DLG2: variants seen among roughly 807,000 people sequenced by gnomAD.
DLG2 encodes the protein discs large MAGUK scaffold protein 2.
Under a neutral mutation model 132.5 loss-of-function variants are expected in DLG2, and 45 were observed. That is an observed-to-expected ratio of 0.34 (90% CI 0.27 to 0.44). DLG2 has a LOEUF of 0.44. DLG2 is among the 20% of genes least tolerant of loss of function. The pLI, the probability that DLG2 is intolerant of heterozygous loss-of-function variation, is 1.00. For missense variants in DLG2, 1,045 were observed against 1,196.9 expected (o/e 0.87, Z 1.87); for synonymous variants, 424 against 419.6 (o/e 1.01, Z -0.13).
At chr11:84,725,650 C>A (rs1309521381) in intron 6 of DLG2, among the ~76,000 whole-genome samples, 1 of 152,138 alleles carries the variant, frequency 6.6e-6, no homozygotes, top group Admixed American at 6.5e-5. Flanking sequence ...CAAATATACT[C>A]AAAGTCCATA....
chr11:83,952,048 A>C (rs2085578846), intron 14 of DLG2, among the ~76,000 whole-genome samples: 1 of 152,192 alleles, frequency 6.6e-6, no homozygotes, highest in South Asian at 2.1e-4. Flanking sequence ...GTCATTTATT[A>C]AGAAGAGGAA....
At chr11:84,331,471 A>T (rs1446610532) in intron 7 of DLG2, among the ~76,000 whole-genome samples, 1 of 151,368 alleles carries the variant, frequency 6.6e-6, no homozygotes, top group Non-Finnish European at 1.5e-5. Context: ...ATAAATAAAT[A>T]AATAAAAGTA....
intron 18 of DLG2, among the ~76,000 whole-genome samples, chr11:83,656,349 C>G (rs1253366973): frequency 2.0e-5 from 3 of 152,344 alleles, no homozygotes; most frequent in African/African-American, 7.2e-5. Flanking sequence ...CAGGGCCTTT[C>G]CACCCATCAT....
intron 15 of DLG2, among the ~76,000 whole-genome samples, chr11:83,902,930 C>T (rs979229197): frequency 3.9e-5 from 6 of 152,104 alleles, no homozygotes; most frequent in East Asian, 1.9e-4. Flanking sequence ...ATTTTTCTTA[C>T]GTTCTCAGTC....
intron 12 of DLG2, among the ~76,000 whole-genome samples, chr11:83,975,897 A>C: frequency 6.6e-6 from 1 of 151,958 alleles, no homozygotes; most frequent in Non-Finnish European, 1.5e-5. Context: ...AATGATACTT[A>C]TTACCTAATA....
intron 2 of DLG2, among the ~76,000 whole-genome samples, chr11:85,608,435 T>C (rs763450707): frequency 1.3e-5 from 2 of 152,184 alleles, no homozygotes; most frequent in Non-Finnish European, 2.9e-5. Context: ...TTCTGTAAGA[T>C]GGAATGCAAA....
chr11:84,669,662 C>A (rs1169323267), intron 6 of DLG2, among the ~76,000 whole-genome samples: 1 of 152,078 alleles, frequency 6.6e-6, no homozygotes, highest in Admixed American at 6.5e-5. Context: ...ACACTTTGAC[C>A]ACATTTCACA....
At chr11:84,910,355 A>G (rs1378562605) in intron 6 of DLG2, among the ~76,000 whole-genome samples, 1 of 152,110 alleles carries the variant, frequency 6.6e-6, no homozygotes, top group Admixed American at 6.5e-5. Context: ...CTTATCTGCT[A>G]TTTTCATTAC....
chr11:83,484,324 G>T, intron 21 of DLG2, 96 bp from the exon 22 acceptor site: 2 of 867,050 alleles, frequency 2.3e-6, no homozygotes, highest in Non-Finnish European at 3.7e-6. Context: ...AGCACAGAGA[G>T]CTGTAGTGAC....
intron 7 of DLG2, among the ~76,000 whole-genome samples, chr11:84,480,462 G>T (rs2099133908): frequency 6.6e-6 from 1 of 152,092 alleles, no homozygotes; most frequent in Non-Finnish European, 1.5e-5. Flanking sequence ...GATAAGAAGA[G>T]CTGGCCCTGT....
intron 3 of DLG2, among the ~76,000 whole-genome samples, chr11:85,296,928 A>T (rs1202704247): frequency 6.7e-6 from 1 of 150,148 alleles, no homozygotes; most frequent in Non-Finnish European, 1.5e-5. Flanking sequence ...CAATCATATT[A>T]TAATTTATTG....
intron 6 of DLG2, among the ~76,000 whole-genome samples, chr11:84,717,880 G>A (rs142300540): frequency 6.6e-6 from 1 of 152,174 alleles, no homozygotes; most frequent in East Asian, 1.9e-4. Context: ...ATATACTGCA[G>A]TAGTTATTGC....
At chr11:84,308,100 C>G (rs1332360135) in intron 7 of DLG2, among the ~76,000 whole-genome samples, 2 of 152,190 alleles carry the variant, frequency 1.3e-5, no homozygotes, top group African/African-American at 4.8e-5. Context: ...ACTGCTGGCT[C>G]TGGGAGCAGC....
At chr11:85,371,816 T>C (rs2085002398) in intron 3 of DLG2, among the ~76,000 whole-genome samples, 1 of 152,230 alleles carries the variant, frequency 6.6e-6, no homozygotes, top group Non-Finnish European at 1.5e-5. Flanking sequence ...TTATCCGTGA[T>C]TCCTTGTGGT....
intron 3 of DLG2, among the ~76,000 whole-genome samples, chr11:85,493,168 G>T (rs1273681143): frequency 1.3e-5 from 2 of 152,090 alleles, no homozygotes; most frequent in African/African-American, 4.8e-5. Flanking sequence ...TACCCAGGAA[G>T]GTTTATATGG....
intron 6 of DLG2, among the ~76,000 whole-genome samples, chr11:84,662,831 G>T (rs2099695989): frequency 6.7e-6 from 1 of 148,962 alleles, no homozygotes; most frequent in Non-Finnish European, 1.5e-5. Flanking sequence ...GAGTTTGAAG[G>T]TCCTGATTAG....
chr11:85,056,625 GA>G (rs972698990), intron 6 of DLG2, among the ~76,000 whole-genome samples: 1 of 151,740 alleles, frequency 6.6e-6, no homozygotes, highest in Non-Finnish European at 1.5e-5. Flanking sequence ...AAACTGACAA[GA>G]AAAAAAGCTA....
In DLG2 at chr11:83,532,696, T is replaced by C; in HGVS notation, c.2193+12A>G. 1 of 1,612,174 alleles carries C rather than the reference T, an allele frequency of 6.2e-7. No homozygotes were observed. The highest frequency in any genetic ancestry group is 8.5e-7 in the Non-Finnish European group (1 of 1,178,550). ...CTGAGAGAACTTGATGTTTCCATCATTTTGTACCTACCCCTTTCGAATCAA... is the reference window on the plus strand; with the variant it reads ...CTGAGAGAACTTGATGTTTCCATCACTTTGTACCTACCCCTTTCGAATCAA... On this transcript the variant is annotated intron_variant, in intron 21 of 27. Transcript: ENST00000376104.
chr11:84,859,596 A>G (rs2083339838), intron 6 of DLG2, among the ~76,000 whole-genome samples: 1 of 151,576 alleles, frequency 6.6e-6, no homozygotes, highest in Non-Finnish European at 1.5e-5. Flanking sequence ...GCTAGATAAT[A>G]ATGAATTTGT....
Sources: gnomAD v4.1 joint callset for allele counts (sites outside exome capture counted in the v4.1 genomes callset) on GRCh38, gnomAD v4.1.1 for gene constraint, MANE v1.5 for transcripts, NCBI Gene and HGNC (gene_info 2026-07-23, HGNC 2026-07-21) for gene names.